The following LRATD1 variants were observed in gnomAD, a reference collection of about 807,000 sequenced individuals.
LRATD1 encodes the protein LRAT domain containing 1.
In LRATD1, 8 loss-of-function variants were observed where a neutral mutation model predicts 21.3. The observed-to-expected ratio is 0.38, with a 90% CI of 0.22 to 0.68. The LOEUF is 0.68. LRATD1 is among the 30% of genes least tolerant of loss of function. LRATD1 has a pLI of 0.54. For missense variants in LRATD1, 380 were observed against 404.0 expected (o/e 0.94, Z 0.51); for synonymous variants, 210 against 186.2 (o/e 1.13, Z -1.04).
At chr2:14,648,624 A>G (rs947040320) in intron 4 of LRATD1, among the ~76,000 whole-genome samples, 32 of 152,312 alleles carry the variant, frequency 2.1e-4, no homozygotes, top group Admixed American at 2.0e-3. Context: ...AAACACTTGT[A>G]TAAGAATTAG....
intron 4 of LRATD1, among the ~76,000 whole-genome samples, chr2:14,648,754 C>A (rs1671938934): frequency 6.6e-6 from 1 of 152,180 alleles, no homozygotes; most frequent in African/African-American, 2.4e-5. Context: ...GCAATGAGAT[C>A]TTGCCTAGCT....
Position 14,634,831 on chromosome 2 carries a change from C to T in LRATD1, c.852C>T (p.Leu284=). Residue 284 remains leucine (L), a synonymous_variant, in exon 2 of 2, where the codon CTC becomes CTT. Coordinates refer to ENST00000295092, the MANE Select transcript of LRATD1 (RefSeq NM_145175.4). ...ASGRLRVLQE[L]ADLVDDKE is the part of the protein sequence containing the mutation. ...GCCGCCTGCGAGTGCTCCAGGAGCTCGCCGACCTCGTGGACGACAAGGAGT... is the reference window on the plus strand; with the variant it reads ...GCCGCCTGCGAGTGCTCCAGGAGCTTGCCGACCTCGTGGACGACAAGGAGT... 3.1e-6 allele frequency: 5 copies of T among 1,609,472 alleles called. No homozygotes were observed. The highest frequency in any genetic ancestry group is 2.7e-5 in the African/African-American group (2 of 74,950).
Position 14,634,967 on chromosome 2 carries a change from C to A in LRATD1, c.*109C>A. 7.2e-7 allele frequency: 1 copy of A among 1,382,670 alleles called. No homozygotes were observed. The allele number at this position is 1,382,670 out of a possible 1,614,324, so 85.7% of individuals were successfully genotyped here. A position where few individuals can be genotyped will look rare whatever the true frequency, so the allele number is the denominator to read the frequency against. ...TCTCAACCTCTGCCCCGCCCCGCCA[C>A]GCGCGTCCGCCGCCGGTGGCCCGGG... On this transcript the variant is annotated 3_prime_UTR_variant, in exon 2 of 2. Transcript: ENST00000295092.
intron 2 of LRATD1, among the ~76,000 whole-genome samples, chr2:14,645,338 T>A (rs1671874304): frequency 1.3e-5 from 2 of 152,238 alleles, no homozygotes; most frequent in South Asian, 4.1e-4. Flanking sequence ...CAAAGATTGA[T>A]AAGTTTGCCA....
At chr2:14,642,891 T>C (rs906646727), downstream of LRATD1, among the ~76,000 whole-genome samples, 3 of 152,324 alleles carry the variant, frequency 2.0e-5, no homozygotes, top group Admixed American at 1.3e-4. Context: ...TAGGGACTTA[T>C]TATTCTCTTA....
At chr2:14,646,930 A>G (rs1362006621) in intron 4 of LRATD1, among the ~76,000 whole-genome samples, 4 of 152,206 alleles carry the variant, frequency 2.6e-5, no homozygotes, top group African/African-American at 7.2e-5. Flanking sequence ...ATCAAAATAG[A>G]CCCAAATAAA....
rs899876594 is a variant in LRATD1, at chr2:14,635,857, T to C, written c.*999T>C. ...AGAAACCAGCATTGTTACAACACCA[T>C]AGCCAGTATATTTAGTTTGGCTTTT... On this transcript the variant is annotated 3_prime_UTR_variant, in exon 2 of 2. Coordinates refer to ENST00000295092, the MANE Select transcript of LRATD1 (RefSeq NM_145175.4). 5 of 355,924 alleles carry C rather than the reference T, an allele frequency of 1.4e-5. No homozygotes were observed. The highest frequency in any genetic ancestry group is 2.3e-5 in the Non-Finnish European group (4 of 171,664). 22.0% of individuals were successfully genotyped at this position (355,924 alleles called of 1,614,324 possible). A position where few individuals can be genotyped will look rare whatever the true frequency, so the allele number is the denominator to read the frequency against.
chr2:14,644,840 AG>A, downstream of LRATD1, among the ~76,000 whole-genome samples: 1 of 152,160 alleles, frequency 6.6e-6, no homozygotes, highest in East Asian at 1.9e-4. Context: ...AAGAACAAGC[AG>A]GATGTTGGAG....
chr2:14,633,766 G>A lies in LRATD1; in HGVS notation c.-36-178G>A. 1.6e-6 allele frequency: 1 copy of A among 624,278 alleles called. No homozygotes were observed. The highest frequency in any genetic ancestry group is 2.8e-6 in the Non-Finnish European group (1 of 362,332). 38.7% of individuals were successfully genotyped at this position (624,278 alleles called of 1,614,324 possible). On this transcript the variant is annotated intron_variant, in intron 1 of 1. Coordinates refer to ENST00000295092, the MANE Select transcript of LRATD1 (RefSeq NM_145175.4). This position sits in a 1 kb window ranked among gnomAD's most constrained non-coding sequence, Gnocchi z 7.5. Reference sequence around the variant, plus strand: ...CGTCTGCTCTCGCCTGACCTGTGGCGGCTTCTCCGCCCCTCGTACCCCTGG... The same window carrying A: ...CGTCTGCTCTCGCCTGACCTGTGGCAGCTTCTCCGCCCCTCGTACCCCTGG...
chr2:14,644,986 C>A (rs988525955), downstream of LRATD1, among the ~76,000 whole-genome samples: 2 of 152,130 alleles, frequency 1.3e-5, no homozygotes, highest in African/African-American at 4.8e-5. Context: ...TATTGGCTCA[C>A]AATCTATATA....
rs1671761593 is a variant in LRATD1, at chr2:14,639,406, A to G, written c.*4548A>G. ...GATAAAGTGGGGAGGCTATGAGATC[A>G]TATAATGAGCTAATAAACTTTTCAA... is the stretch of plus-strand genomic sequence containing the variant. On this transcript the variant is annotated 3_prime_UTR_variant, in exon 2 of 2. Coordinates refer to ENST00000295092, the MANE Select transcript of LRATD1 (RefSeq NM_145175.4). 6.0e-6 allele frequency: 1 copy of G among 166,964 alleles called. No individual in the cohort carries two copies. The highest frequency in any genetic ancestry group is 2.4e-5 in the African/African-American group (1 of 41,464). The allele number at this position is 166,964 out of a possible 1,614,324, so 10.3% of individuals were successfully genotyped here. A position where few individuals can be genotyped will look rare whatever the true frequency, so the allele number is the denominator to read the frequency against.
chr2:14,639,219 G>T lies in LRATD1; in HGVS notation c.*4361G>T, dbSNP rs1671757750. 6.0e-6 allele frequency: 1 copy of T among 166,912 alleles called. No individual in the cohort carries two copies. The highest frequency in any genetic ancestry group is 1.5e-5 in the Non-Finnish European group (1 of 68,066). 10.3% of individuals were successfully genotyped at this position (166,912 alleles called of 1,614,324 possible). ...TAGCTAATGTATAACTGCACAGCAA[G>T]CAGCTATGTCTAAAGCTAACAATAA... On this transcript the variant is annotated 3_prime_UTR_variant, in exon 2 of 2. Coordinates refer to ENST00000295092, the MANE Select transcript of LRATD1 (RefSeq NM_145175.4).
At chr2:14,649,552 C>T (rs928764211) in exon 6 of LRATD1, 7 of 353,222 alleles carry the variant, frequency 2.0e-5, no homozygotes, top group African/African-American at 6.4e-5. Context: ...ATATCCAGCA[C>T]GGGAGCATAG....
Position 14,635,246 on chromosome 2 carries a change from A to T in LRATD1, c.*388A>T, listed in dbSNP as rs780682323. On this transcript the variant is annotated 3_prime_UTR_variant, in exon 2 of 2. Coordinates refer to ENST00000295092, the MANE Select transcript of LRATD1 (RefSeq NM_145175.4). ...CCGACTCGAAAACAACCCTCTTCTC[A>T]AAAGGGACCATCACCGCCCCGAGCG... is the stretch of plus-strand genomic sequence containing the variant. The T allele has an allele frequency of 1.9e-6, 1 of 527,916 alleles. No individual in the cohort carries two copies. Among genetic ancestry groups the T allele is most frequent in the South Asian group, 1.5e-5 (1 of 65,080 alleles). 32.7% of individuals were successfully genotyped at this position (527,916 alleles called of 1,614,324 possible).
downstream of LRATD1, among the ~76,000 whole-genome samples, chr2:14,641,744 G>A (rs967020236): frequency 2.0e-5 from 3 of 152,156 alleles, no homozygotes; most frequent in Non-Finnish European, 4.4e-5. Flanking sequence ...TGTAGAACAC[G>A]TAGTTTTCAT....
At chr2:14,648,723 G>A (rs1671938495) in intron 4 of LRATD1, among the ~76,000 whole-genome samples, 2 of 152,154 alleles carry the variant, frequency 1.3e-5, no homozygotes, top group Non-Finnish European at 2.9e-5. Flanking sequence ...CAGGATTCAG[G>A]ACCACACTTT....
chr2:14,645,987 A>G (rs1380699162), intron 2 of LRATD1: 1 of 152,186 alleles, frequency 6.6e-6, no homozygotes, highest in Non-Finnish European at 1.5e-5. Flanking sequence ...CTTATCTTGC[A>G]TTTAGTACAC....
intron 4 of LRATD1, among the ~76,000 whole-genome samples, chr2:14,647,122 C>G (rs1671910341): frequency 6.6e-6 from 1 of 152,190 alleles, no homozygotes; most frequent in South Asian, 2.1e-4. Flanking sequence ...TAGGATGAAG[C>G]TGACTAAATG....
Position 14,635,782 on chromosome 2 carries a change from A to G in LRATD1, c.*924A>G, listed in dbSNP as rs939552524. ...CGGGCTGCATTTCAAAAATAGTCAT[A>G]TTTTTAAAGGAGTTGGAGGAGAGGG... On this transcript the variant is annotated 3_prime_UTR_variant, in exon 2 of 2. Transcript: ENST00000295092. The G allele has an allele frequency of 7.9e-5, 30 of 379,838 alleles. No individual in the cohort carries two copies. The highest frequency in any genetic ancestry group is 3.6e-4 in the Admixed American group (10 of 28,010). The allele number at this position is 379,838 out of a possible 1,614,324, so 23.5% of individuals were successfully genotyped here.
Sources: allele counts gnomAD v4.1 joint callset (sites outside exome capture counted in the v4.1 genomes callset), GRCh38; gene constraint gnomAD v4.1.1; non-coding constraint Gnocchi (gnomAD v3.1); transcripts MANE v1.5; gene names NCBI Gene and HGNC (gene_info 2026-07-23, HGNC 2026-07-21).